The following RASGRF2 variants were observed in gnomAD, a reference collection of about 807,000 sequenced individuals.
RASGRF2 encodes the protein ras-specific guanine nucleotide-releasing factor 2.
In RASGRF2, 76 loss-of-function variants were observed where a neutral mutation model predicts 151.0. The observed-to-expected ratio is 0.50, with a 90% CI of 0.42 to 0.61. The LOEUF (loss-of-function observed/expected upper bound fraction) is 0.61. RASGRF2 is among the 20% of genes least tolerant of loss of function. RASGRF2 has a pLI of 0.00. For synonymous variants in RASGRF2, 504 were observed against 566.5 expected (o/e 0.89, Z 1.57); for missense variants, 1,148 against 1,564.6 (o/e 0.73, Z 4.49).
intron 9 of RASGRF2, among the ~76,000 whole-genome samples, chr5:81,089,717 T>C (rs1025956003): frequency 6.6e-6 from 1 of 152,310 alleles, no homozygotes; most frequent in African/African-American, 2.4e-5. Context: ...ACTTCCTTGC[T>C]GTGTGATATT....
chr5:81,186,939 A>G (rs1235574591), intron 18 of RASGRF2, among the ~76,000 whole-genome samples: 2 of 152,194 alleles, frequency 1.3e-5, no homozygotes, highest in African/African-American at 4.8e-5. Context: ...TTCATCTGTA[A>G]AAATGGGGAT....
chr5:81,135,796 C>T (rs190339), intron 17 of RASGRF2, among the ~76,000 whole-genome samples: 106,859 of 152,022 alleles, frequency 0.7, 37,828 homozygotes, highest in East Asian at 0.81. Flanking sequence ...AGTACATACC[C>T]AGGAGTAGAT....
chr5:81,054,307 G>T (rs984835959), intron 2 of RASGRF2, among the ~76,000 whole-genome samples: 1 of 151,766 alleles, frequency 6.6e-6, no homozygotes, highest in African/African-American at 2.4e-5. Flanking sequence ...TTTGTATAAG[G>T]TGTAAGGAAG....
Position 81,225,816 on chromosome 5 carries a change from G to A in RASGRF2, c.*46G>A. The A allele has an allele frequency of 6.3e-7, 1 of 1,593,372 alleles. No homozygotes were observed. Among genetic ancestry groups the A allele is most frequent in the South Asian group, 1.1e-5 (1 of 87,792 alleles). On this transcript the variant is annotated 3_prime_UTR_variant, in exon 27 of 27. Transcript: ENST00000265080. Reference sequence around the variant, plus strand: ...GTCCACGGGATGTTCATGGAAAGCAGGACAGACAGAATTGTGTATGCCTTG... The same window carrying A: ...GTCCACGGGATGTTCATGGAAAGCAAGACAGACAGAATTGTGTATGCCTTG...
chr5:81,190,887 T>G (rs1296923503), intron 18 of RASGRF2, among the ~76,000 whole-genome samples: 1 of 152,254 alleles, frequency 6.6e-6, no homozygotes, highest in East Asian at 1.9e-4. Flanking sequence ...GTGGGATTCC[T>G]TAACCTTTTG....
Position 81,215,406 on chromosome 5 carries a change from G to A in RASGRF2, c.3355-470G>A, listed in dbSNP as rs186473096. Among the ~76,000 whole-genome samples the A allele has an allele frequency of 5.6e-3, 846 of 151,882 alleles. 8 individuals are homozygous for A. The highest frequency in any genetic ancestry group is 0.018 in the African/African-American group (758 of 41,394). ...CTGCCTCAGCCTCCCGAGTAGCTGGGATTACAGGCATATGCCACCATACCC... is the reference window on the plus strand; with the variant it reads ...CTGCCTCAGCCTCCCGAGTAGCTGGAATTACAGGCATATGCCACCATACCC... On this transcript the variant is annotated intron_variant, in intron 23 of 26. Coordinates refer to ENST00000265080, the MANE Select transcript of RASGRF2 (RefSeq NM_006909.3).
intron 17 of RASGRF2, among the ~76,000 whole-genome samples, chr5:81,139,045 A>G (rs1336994657): frequency 2.0e-5 from 3 of 152,072 alleles, no homozygotes; most frequent in African/African-American, 4.8e-5. Flanking sequence ...ATGTCCCTTC[A>G]TTTACTGAGA....
At chr5:80,989,689 C>T (rs1246697021) in intron 1 of RASGRF2, among the ~76,000 whole-genome samples, 3 of 152,322 alleles carry the variant, frequency 2.0e-5, no homozygotes, top group East Asian at 1.9e-4. Flanking sequence ...GGGAGCTAGC[C>T]TGCTCTCCTC....
At chr5:81,026,434 C>T (rs1010250454) in intron 1 of RASGRF2, among the ~76,000 whole-genome samples, 4 of 152,152 alleles carry the variant, frequency 2.6e-5, no homozygotes, top group African/African-American at 4.8e-5. Context: ...ATGCTCCCCT[C>T]AGTCCTGTCT....
chr5:81,211,012 T>C (rs946622619), intron 22 of RASGRF2, among the ~76,000 whole-genome samples: 1 of 151,948 alleles, frequency 6.6e-6, no homozygotes, highest in Non-Finnish European at 1.5e-5. Context: ...GGCATGGTAG[T>C]GCACACCTGT....
At chr5:81,056,631 A>G (rs1443527723) in intron 2 of RASGRF2, among the ~76,000 whole-genome samples, 2 of 152,146 alleles carry the variant, frequency 1.3e-5, no homozygotes, top group African/African-American at 4.8e-5. Context: ...AGCTCTGTAG[A>G]TGTCTATTAG....
chr5:81,150,199 A>G (rs1754101751), intron 17 of RASGRF2, among the ~76,000 whole-genome samples: 1 of 152,224 alleles, frequency 6.6e-6, no homozygotes, highest in Non-Finnish European at 1.5e-5. Context: ...AGGGGTCAGA[A>G]GTAAAGAGTG....
At chr5:81,160,593 A>AC (rs2112637344) in intron 17 of RASGRF2, among the ~76,000 whole-genome samples, 1 of 150,900 alleles carries the variant, frequency 6.6e-6, no homozygotes, top group East Asian at 2.0e-4. Flanking sequence ...AATCGCTTGA[A>AC]CCTGGGAGGC....
At chr5:81,209,529 A>G (rs531705448) in intron 22 of RASGRF2, among the ~76,000 whole-genome samples, 63 of 152,334 alleles carry the variant, frequency 4.1e-4, no homozygotes, top group African/African-American at 1.5e-3. Context: ...GATTCCCAAG[A>G]CAGTGTTTCA....
In RASGRF2 at chr5:81,032,800, A is replaced by C. The variant is rs1750313638; in HGVS notation, c.289-10077A>C. ...TAGTGTTGGAAGTTCTGGCCAGGGCAATCAGGCAGGAGAAAGAAATAAAGG... is the reference window on the plus strand; with the variant it reads ...TAGTGTTGGAAGTTCTGGCCAGGGCCATCAGGCAGGAGAAAGAAATAAAGG... On this transcript the variant is annotated intron_variant, in intron 1 of 26. Transcript: ENST00000265080. 2.0e-5 allele frequency among the ~76,000 whole-genome samples: 3 copies of C among 152,078 alleles called. No individual in the cohort carries two copies. In the South Asian group the frequency reaches 6.2e-4, roughly 32 times the overall value.
chr5:81,220,642 T>C (rs544857408), intron 26 of RASGRF2, among the ~76,000 whole-genome samples: 10 of 152,166 alleles, frequency 6.6e-5, no homozygotes, highest in Non-Finnish European at 8.8e-5. Flanking sequence ...GCTAGTTTTT[T>C]GTATTTTAGT....
chr5:81,058,534 G>A (rs983191025), intron 2 of RASGRF2, among the ~76,000 whole-genome samples: 6 of 152,310 alleles, frequency 3.9e-5, no homozygotes, highest in African/African-American at 1.2e-4. Flanking sequence ...CAGAATAGGA[G>A]TAGTAAACTA....
chr5:81,219,425 C>T (rs79433547), intron 25 of RASGRF2, among the ~76,000 whole-genome samples: 3,087 of 152,252 alleles, frequency 0.02, 108 homozygotes, highest in African/African-American at 0.07. Context: ...AAGGAGCCCA[C>T]GGATGACAGC....
At chr5:81,007,336 G>A (rs1249827128) in intron 1 of RASGRF2, among the ~76,000 whole-genome samples, 1 of 152,102 alleles carries the variant, frequency 6.6e-6, no homozygotes, top group African/African-American at 2.4e-5. Flanking sequence ...CTACTTTCTG[G>A]TTTTCAAGCT....
Sources: gnomAD v4.1 joint callset for allele counts (sites outside exome capture counted in the v4.1 genomes callset) on GRCh38, gnomAD v4.1.1 for gene constraint, MANE v1.5 for transcripts, NCBI Gene and HGNC (gene_info 2026-07-23, HGNC 2026-07-21) for gene names.